TNKS: variants seen among roughly 807,000 people sequenced by gnomAD.
TNKS encodes poly [ADP-ribose] polymerase tankyrase-1.
Under a neutral mutation model 135.8 loss-of-function variants are expected in TNKS, and 72 were observed. The ratio of observed to expected loss-of-function variants is 0.53; its 90% CI spans 0.44 to 0.64. The LOEUF is 0.64. Among genes scored for constraint, TNKS ranks in the 30% least tolerant of loss-of-function variants. The pLI, the probability that TNKS is intolerant of heterozygous loss-of-function variation, is 0.00. For synonymous variants in TNKS, 849 were observed against 649.3 expected (o/e 1.31, Z -4.68); for missense variants, 1,769 against 1,674.0 (o/e 1.06, Z -0.99).
Position 9,761,715 on chromosome 8 carries a change from G to C in TNKS, c.3274+79G>C, listed in dbSNP as rs964785530. ...TATTGGGGCTGATAATTGAACTCAG[G>C]CAGTCCAGTCCCAGAACCATACACT... On this transcript the variant is annotated intron_variant, in intron 21 of 26. Coordinates refer to ENST00000310430, the MANE Select transcript of TNKS (RefSeq NM_003747.3). 5 of 1,457,212 alleles carry C rather than the reference G, an allele frequency of 3.4e-6. No individual in the cohort carries two copies. In the African/African-American group the frequency reaches 7.3e-5, roughly 21 times the overall value. The allele number at this position is 1,457,212 out of a possible 1,614,324, so 90.3% of individuals were successfully genotyped here.
Position 9,598,282 on chromosome 8 carries a change from C to T in TNKS, c.899-17300C>T, listed in dbSNP as rs534199438. 1.2e-4 allele frequency among the ~76,000 whole-genome samples: 18 copies of T among 152,088 alleles called. 2 individuals are homozygous for T. The highest frequency in any genetic ancestry group is 4.1e-4 in the African/African-American group (17 of 41,480). On this transcript the variant is annotated intron_variant, in intron 2 of 26. Coordinates refer to ENST00000310430, the MANE Select transcript of TNKS (RefSeq NM_003747.3). ...CAGGATGGTCTTGATCTCCTGACCT[C>T]GTGATCCGCCTGCCTCGGCGTCCCA... is the stretch of plus-strand genomic sequence containing the variant.
intron 26 of TNKS, among the ~76,000 whole-genome samples, chr8:9,770,859 G>A (rs1332021629): frequency 6.6e-6 from 1 of 152,114 alleles, no homozygotes; most frequent in South Asian, 2.1e-4. Context: ...GATACCGTGG[G>A]CAAAACAGTG....
chr8:9,761,841 T>C (rs1025699817), intron 21 of TNKS, among the ~76,000 whole-genome samples: 1 of 152,192 alleles, frequency 6.6e-6, no homozygotes, highest in Admixed American at 6.5e-5. Context: ...CCCAACACTT[T>C]GTATCCTCAA....
At chr8:9,741,106 C>T (rs12680578) in intron 17 of TNKS, 108,996 of 152,084 alleles carry the variant, frequency 0.72, 39,390 homozygotes, top group Admixed American at 0.8. Context: ...CCACCACGCC[C>T]GGCCTACATG....
chr8:9,773,184 T>C (rs952757987), intron 26 of TNKS, among the ~76,000 whole-genome samples: 3 of 152,078 alleles, frequency 2.0e-5, no homozygotes, highest in Admixed American at 2.0e-4. Context: ...TAATCAGTGA[T>C]AGTCACAAAC....
At chr8:9,577,472 C>T (rs1270400661) in intron 1 of TNKS, among the ~76,000 whole-genome samples, 1 of 152,000 alleles carries the variant, frequency 6.6e-6, no homozygotes, top group Non-Finnish European at 1.5e-5. Flanking sequence ...TGGGGAGGCC[C>T]CAGGAAATTC....
At chr8:9,726,514 A>G in intron 12 of TNKS, 127 bp from the exon 13 acceptor site, 2 of 632,898 alleles carry the variant, frequency 3.2e-6, no homozygotes, top group Non-Finnish European at 5.3e-6. Context: ...AGTAAAACCA[A>G]ACTAAATAAT....
chr8:9,572,635 C>G (rs1797799202), intron 1 of TNKS, among the ~76,000 whole-genome samples: 1 of 152,066 alleles, frequency 6.6e-6, no homozygotes, highest in East Asian at 1.9e-4. Flanking sequence ...GAAGATAGAC[C>G]TGTACGAGAA....
chr8:9,711,130 G>C (rs1278316923), intron 11 of TNKS, among the ~76,000 whole-genome samples: 1 of 151,868 alleles, frequency 6.6e-6, no homozygotes, highest in Non-Finnish European at 1.5e-5. Flanking sequence ...TCCAAAGTAG[G>C]GTATAGACTC....
intron 2 of TNKS, among the ~76,000 whole-genome samples, chr8:9,610,461 A>G (rs1483962058): frequency 1.3e-5 from 2 of 151,994 alleles, no homozygotes; most frequent in African/African-American, 4.8e-5. Flanking sequence ...AAACGCAAGG[A>G]TCTATCGTGT....
At chr8:9,691,231 AG>A (rs1174135395) in intron 5 of TNKS, among the ~76,000 whole-genome samples, 2 of 151,320 alleles carry the variant, frequency 1.3e-5, no homozygotes, top group African/African-American at 4.9e-5. Context: ...GGAAGGAGGC[AG>A]AATCAATTAT....
intron 14 of TNKS, among the ~76,000 whole-genome samples, chr8:9,732,835 G>A (rs145393237): frequency 9.2e-5 from 14 of 152,026 alleles, no homozygotes; most frequent in African/African-American, 3.1e-4. Context: ...TTCAATATTT[G>A]GCACCTCAAT....
intron 5 of TNKS, among the ~76,000 whole-genome samples, chr8:9,682,658 T>C (rs1802829822): frequency 6.6e-6 from 1 of 152,072 alleles, no homozygotes; most frequent in Admixed American, 6.6e-5. Flanking sequence ...GCTGGCACTT[T>C]GCATATAGCA....
intron 17 of TNKS, among the ~76,000 whole-genome samples, chr8:9,745,732 G>C (rs1346009059): frequency 6.6e-6 from 1 of 151,362 alleles, no homozygotes; most frequent in African/African-American, 2.4e-5. Context: ...GGCGTTTTTT[G>C]CTTTGTATTA....
chr8:9,613,870 T>G (rs1220001181), intron 2 of TNKS, among the ~76,000 whole-genome samples: 2 of 152,322 alleles, frequency 1.3e-5, no homozygotes, highest in East Asian at 3.9e-4. Context: ...CTAGCACTCA[T>G]TAAAAACTAC....
chr8:9,703,480 G>A (rs1238293641), intron 5 of TNKS, among the ~76,000 whole-genome samples: 1 of 152,100 alleles, frequency 6.6e-6, no homozygotes, highest in African/African-American at 2.4e-5. Context: ...ACTTCCACTG[G>A]GTTGCATAAT....
chr8:9,709,615 A>G (rs1186805554), intron 9 of TNKS, among the ~76,000 whole-genome samples: 1 of 152,174 alleles, frequency 6.6e-6, no homozygotes, highest in Non-Finnish European at 1.5e-5. Flanking sequence ...TGAAAGATTG[A>G]GTAACTTAGT....
intron 3 of TNKS, among the ~76,000 whole-genome samples, chr8:9,640,461 C>T (rs4840433): frequency 0.98 from 141,155 of 144,748 alleles, 69,294 homozygotes; most frequent in East Asian, 1. Context: ...CTATTTGAGT[C>T]ACTTAATGGG....
At chr8:9,613,788 A>G (rs911734693) in intron 2 of TNKS, among the ~76,000 whole-genome samples, 1 of 152,250 alleles carries the variant, frequency 6.6e-6, no homozygotes, top group Admixed American at 6.5e-5. Flanking sequence ...TAGTTAAAAT[A>G]CGGGTTAAAA....
Sources: allele counts gnomAD v4.1 joint callset (sites outside exome capture counted in the v4.1 genomes callset), GRCh38; gene constraint gnomAD v4.1.1; transcripts MANE v1.5; gene names NCBI Gene and HGNC (gene_info 2026-07-23, HGNC 2026-07-21).